FSCN1: variants seen among roughly 807,000 people sequenced by gnomAD.
FSCN1 encodes fascin.
Under a neutral mutation model 39.7 loss-of-function variants are expected in FSCN1, and 10 were observed. The ratio of observed to expected loss-of-function variants is 0.25; its 90% confidence interval spans 0.16 to 0.43. The LOEUF is 0.43. Ranked by LOEUF, FSCN1 falls within the 20% of genes least tolerant of loss-of-function variation. FSCN1 has a pLI of 1.00. For synonymous variants in FSCN1, 322 were observed against 320.0 expected (o/e 1.01, Z -0.07); for missense variants, 525 against 723.8 (o/e 0.73, Z 3.15).
At chr7:5,595,569 T>G (rs1785714842) in intron 1 of FSCN1, among the ~76,000 whole-genome samples, 1 of 152,062 alleles carries the variant, frequency 6.6e-6, no homozygotes, top group Admixed American at 6.6e-5. Context: ...GAGCAGGACA[T>G]TTGAGCTGGC....
chr7:5,605,016 G>A lies in FSCN1; in HGVS notation c.1280-256G>A, dbSNP rs552903424. Among the ~76,000 whole-genome samples the A allele has an allele frequency of 7.9e-5, 12 of 152,156 alleles. No homozygotes were observed. Among genetic ancestry groups the A allele is most frequent in the East Asian group, 7.7e-4 (4 of 5,168 alleles). Reference sequence around the variant, plus strand: ...TCGAACTCCTGACCTCAAGTGATCCGCCCACCTCAGCCTCCCAAAGTGCTG... The same window carrying A: ...TCGAACTCCTGACCTCAAGTGATCCACCCACCTCAGCCTCCCAAAGTGCTG... On this transcript the variant is annotated intron_variant, in intron 4 of 4. Coordinates refer to ENST00000382361, the MANE Select transcript of FSCN1 (RefSeq NM_003088.4). The surrounding 1 kb of genome is among the most constrained non-coding windows in gnomAD (Gnocchi z 6.9).
At position 5,593,050 on chromosome 7, in the gene FSCN1, C is replaced by G; in HGVS notation, c.114C>G (p.Ser38Arg). The G allele has an allele frequency of 6.2e-7, 1 of 1,602,628 alleles. No homozygotes were observed. The highest frequency in any genetic ancestry group is 8.5e-7 in the Non-Finnish European group (1 of 1,175,444). Residue 38 changes from serine (S) to arginine (R), a missense_variant, in exon 1 of 5, where the codon AGC becomes AGG. By Grantham distance (110) the Ser-to-Arg change is moderately radical. Around this residue, in one of 3 missense-constraint regions of FSCN1, gnomAD observed 246 missense variants for 350.6 expected, o/e 0.70. Coordinates refer to ENST00000382361, the MANE Select transcript of FSCN1 (RefSeq NM_003088.4). The stretch of plus-strand genomic sequence containing the variant: ...GGTTCAAGGTGAACGCGTCCGCCAG[C>G]AGCCTGAAGAAGAAGCAGATCTGGA... Reference protein sequence around the residue: ...AFGFKVNASASSLKKKQIWTL... With the variant: ...AFGFKVNASARSLKKKQIWTL...
chr7:5,600,739 C>G (rs985974520), intron 1 of FSCN1, among the ~76,000 whole-genome samples: 1 of 151,544 alleles, frequency 6.6e-6, no homozygotes, highest in Admixed American at 6.6e-5. Flanking sequence ...CTGCAAGCTC[C>G]ACCTCCCGGG....
Position 5,603,169 on chromosome 7 carries a change from G to C in FSCN1, c.833-88G>C. ...ACCCCACCCCGTGGTGTTACCTTGC[G>C]TGTGTAGTTCTGTGAGCTCAGGGCT... On this transcript the variant is annotated intron_variant, in intron 1 of 4. Coordinates refer to ENST00000382361, the MANE Select transcript of FSCN1 (RefSeq NM_003088.4). The surrounding 1 kb of genome is among the most constrained non-coding windows in gnomAD (Gnocchi z 8.5). The C allele has an allele frequency of 6.8e-7, 1 of 1,470,026 alleles. No homozygotes were observed. The highest frequency in any genetic ancestry group is 2.3e-5 in the East Asian group (1 of 44,118). 91.1% of individuals were successfully genotyped at this position (1,470,026 alleles called of 1,614,324 possible).
Position 5,593,096 on chromosome 7 carries a change from G to A in FSCN1, c.160G>A (p.Glu54Lys), listed in dbSNP as rs1216188357. 6.2e-7 allele frequency: 1 copy of A among 1,604,954 alleles called. No homozygotes were observed. The highest frequency in any genetic ancestry group is 1.3e-5 in the African/African-American group (1 of 74,836). ...QIWTLEQPPD[E>K]AGSAAVCLRS... ...CTGGACGCTGGAGCAGCCCCCTGAC[G>A]AGGCGGGCAGCGCGGCCGTGTGCCT... Residue 54 changes from glutamate (E) to lysine (K), a missense_variant, in exon 1 of 5, where the codon GAG becomes AAG. Glu to Lys is a moderately conservative substitution (Grantham distance 56). Around this residue, in one of 3 missense-constraint regions of FSCN1, gnomAD observed 246 missense variants for 350.6 expected, o/e 0.70. Transcript: ENST00000382361.
intron 4 of FSCN1, 142 bp downstream of exon 4, chr7:5,604,172 G>A: frequency 1.4e-6 from 1 of 729,114 alleles, no homozygotes; most frequent in Non-Finnish European, 2.2e-6. Context: ...ACAGGTGTCT[G>A]ATGGCCACCA....
At position 5,605,216 on chromosome 7, in the gene FSCN1, A is replaced by G; in HGVS notation, c.1280-56A>G. The G allele has an allele frequency of 7.3e-7, 1 of 1,367,346 alleles. No homozygotes were observed. Among genetic ancestry groups the G allele is most frequent in the Non-Finnish European group, 1.0e-6 (1 of 962,558 alleles). 84.7% of individuals were successfully genotyped at this position (1,367,346 alleles called of 1,614,324 possible). On this transcript the variant is annotated intron_variant, in intron 4 of 4. Transcript: ENST00000382361. This position sits in a 1 kb window ranked among gnomAD's most constrained non-coding sequence, Gnocchi z 6.9. Reference sequence around the variant, plus strand: ...CACCCGTGCCCACCCTCCGCTGCCCAGGGTAGGGGTGGGGAGCCAGGCTTT... The same window carrying G: ...CACCCGTGCCCACCCTCCGCTGCCCGGGGTAGGGGTGGGGAGCCAGGCTTT...
At chr7:5,600,754 C>T (rs1389541477) in intron 1 of FSCN1, among the ~76,000 whole-genome samples, 3 of 150,250 alleles carry the variant, frequency 2.0e-5, no homozygotes, top group South Asian at 2.1e-4. Context: ...CCCGGGTTCA[C>T]GCCATTCTCC....
intron 1 of FSCN1, among the ~76,000 whole-genome samples, chr7:5,602,125 C>G (rs949569372): frequency 1.3e-5 from 2 of 151,666 alleles, no homozygotes; most frequent in African/African-American, 4.8e-5. Flanking sequence ...AGGCTGGTCT[C>G]AAACTCCCGA....
At position 5,593,506 on chromosome 7, in the gene FSCN1, C is replaced by G. The variant is rs1400625611; in HGVS notation, c.570C>G (p.Thr190=). ...AFQDQRYSVQ[T]ADHRFLRHDG... is the part of the protein sequence containing the mutation. Reference sequence around the variant, plus strand: ...AGGACCAGCGCTACAGCGTGCAGACCGCCGACCACCGCTTCCTGCGCCACG... The same window carrying G: ...AGGACCAGCGCTACAGCGTGCAGACGGCCGACCACCGCTTCCTGCGCCACG... Residue 190 remains threonine (T), a synonymous_variant, in exon 1 of 5, where the codon ACC becomes ACG. Coordinates refer to ENST00000382361, the MANE Select transcript of FSCN1 (RefSeq NM_003088.4). The G allele has an allele frequency of 1.9e-6, 3 of 1,606,756 alleles. No individual in the cohort carries two copies. The highest frequency in any genetic ancestry group is 2.2e-5 in the South Asian group (2 of 90,880).
At position 5,605,282 on chromosome 7, in the gene FSCN1, C is replaced by A; in HGVS notation, c.1290C>A (p.Gly430=). 1 of 1,612,892 alleles carries A rather than the reference C, an allele frequency of 6.2e-7. No homozygotes were observed. Among genetic ancestry groups the A allele is most frequent in the South Asian group, 1.1e-5 (1 of 91,058 alleles). ...AAGTCCCCTCCCCAGACTCCACAGG[C>A]AAATACTGGACGGTGGGCAGTGACT... ...DGAYNIKDST[G]KYWTVGSDSA... The change falls in exon 5 of 5, where the codon GGC becomes GGA. Residue 430 remains glycine, a synonymous_variant. Coordinates refer to ENST00000382361, the MANE Select transcript of FSCN1 (RefSeq NM_003088.4). The surrounding 1 kb of genome is among the most constrained non-coding windows in gnomAD (Gnocchi z 6.9).
rs1785884611 is a variant in FSCN1 at position 5,604,040 on chromosome 7, C to T, written c.1279+10C>T. On this transcript the variant is annotated intron_variant, in intron 4 of 4. Coordinates refer to ENST00000382361, the MANE Select transcript of FSCN1 (RefSeq NM_003088.4). Reference sequence around the variant, plus strand: ...GCCTACAACATCAAAGGCAGGTTCTCCTGTGGGCAGCTGCTGGGCAGGGAA... The same window carrying T: ...GCCTACAACATCAAAGGCAGGTTCTTCTGTGGGCAGCTGCTGGGCAGGGAA... 1.9e-6 allele frequency: 3 copies of T among 1,611,740 alleles called. No individual in the cohort carries two copies. The highest frequency in any genetic ancestry group is 2.5e-6 in the Non-Finnish European group (3 of 1,179,324).
At position 5,606,392 on chromosome 7, in the gene FSCN1, C is replaced by G. The variant is rs1441717401; in HGVS notation, c.*918C>G. Reference sequence around the variant, plus strand: ...AGCCCCAGCCCTGGGCCTGGGCTGCCGACACCTGGGCCAGAGCCCCTGCTG... The same window carrying G: ...AGCCCCAGCCCTGGGCCTGGGCTGCGGACACCTGGGCCAGAGCCCCTGCTG... On this transcript the variant is annotated 3_prime_UTR_variant, in exon 5 of 5. Coordinates refer to ENST00000382361, the MANE Select transcript of FSCN1 (RefSeq NM_003088.4). The surrounding 1 kb of genome is among the most constrained non-coding windows in gnomAD (Gnocchi z 5.1). 4 of 151,986 alleles carry G rather than the reference C, an allele frequency of 2.6e-5. No individual in the cohort carries two copies. The highest frequency in any genetic ancestry group is 5.9e-5 in the Non-Finnish European group (4 of 67,980). The allele number at this position is 151,986 out of a possible 1,614,324, so 9.4% of individuals were successfully genotyped here.
rs1416618674 is a variant in FSCN1, at chr7:5,599,075, C to G, written c.833-4182C>G. Reference sequence around the variant, plus strand: ...GTGGAGGGCTGAGTGAGCAGAGGCCCCAGCCCTCGTGTTCCCTGGGGTGTG... The same window carrying G: ...GTGGAGGGCTGAGTGAGCAGAGGCCGCAGCCCTCGTGTTCCCTGGGGTGTG... On this transcript the variant is annotated intron_variant, in intron 1 of 4. Coordinates refer to ENST00000382361, the MANE Select transcript of FSCN1 (RefSeq NM_003088.4). This position sits in a 1 kb window ranked among gnomAD's most constrained non-coding sequence, Gnocchi z 5.6. 6.6e-6 allele frequency among the ~76,000 whole-genome samples: 1 copy of G among 151,922 alleles called. No homozygotes were observed. Among genetic ancestry groups the G allele is most frequent in the East Asian group, 1.9e-4 (1 of 5,144 alleles).
chr7:5,594,533 C>A (rs1455739131), intron 1 of FSCN1: 2 of 152,240 alleles, frequency 1.3e-5, no homozygotes, highest in African/African-American at 4.8e-5. Context: ...TGCGGCGGGG[C>A]GGGGGAGGGG....
At chr7:5,596,213 C>A (rs1412121278) in intron 1 of FSCN1, among the ~76,000 whole-genome samples, 1 of 151,674 alleles carries the variant, frequency 6.6e-6, no homozygotes, top group African/African-American at 2.4e-5. Context: ...AAGGGGGAGG[C>A]GTCTGCTTCC....
chr7:5,603,666 GT>G lies in FSCN1; in HGVS notation c.1111+50del. 6.2e-7 allele frequency: 1 copy of G among 1,611,802 alleles called. No individual in the cohort carries two copies. Among genetic ancestry groups the G allele is most frequent in the Non-Finnish European group, 8.5e-7 (1 of 1,178,828 alleles). On this transcript the variant is annotated intron_variant, in intron 3 of 4. Transcript: ENST00000382361. This position sits in a 1 kb window ranked among gnomAD's most constrained non-coding sequence, Gnocchi z 8.5. ...TGGAGCCGTCCTGGAGTCCTGGAGG[GT>G]CTGGCCATGCCGTGGTCACTTGGTA...
At position 5,599,107 on chromosome 7, in the gene FSCN1, G is replaced by C. The variant is rs1256493645; in HGVS notation, c.833-4150G>C. On this transcript the variant is annotated intron_variant, in intron 1 of 4. Transcript: ENST00000382361. This position sits in a 1 kb window ranked among gnomAD's most constrained non-coding sequence, Gnocchi z 5.6. ...TCGTGTTCCCTGGGGTGTGGCCTTA[G>C]GATGGTCCCGGCACCCTGGGACCCA... Among the ~76,000 whole-genome samples the C allele has an allele frequency of 3.2e-5, 2 of 63,362 alleles. No homozygotes were observed. Among genetic ancestry groups the C allele is most frequent in the Admixed American group, 3.6e-4 (2 of 5,600 alleles). The allele number at this position is 63,362 out of a possible 152,430, so 41.6% of individuals were successfully genotyped here. A position where few individuals can be genotyped will look rare whatever the true frequency, so the allele number is the denominator to read the frequency against.
chr7:5,603,912 G>C lies in FSCN1; in HGVS notation c.1161G>C (p.Val387=), dbSNP rs375630058. 2 of 1,614,078 alleles carry C rather than the reference G, an allele frequency of 1.2e-6. No individual in the cohort carries two copies. Among genetic ancestry groups the C allele is most frequent in the Admixed American group, 3.3e-5 (2 of 60,024 alleles). ...AGCTCATCAACCGCCCCATCATCGT[G>C]TTCCGCGGGGAGCATGGCTTCATCG... ...LMKLINRPII[V]FRGEHGFIGC... is the part of the protein sequence containing the mutation. The change falls in exon 4 of 5, where the codon GTG becomes GTC. Residue 387 remains valine (V), a synonymous_variant. Coordinates refer to ENST00000382361, the MANE Select transcript of FSCN1 (RefSeq NM_003088.4). The surrounding 1 kb of genome is among the most constrained non-coding windows in gnomAD (Gnocchi z 8.5).
Sources: allele counts gnomAD v4.1 joint callset (sites outside exome capture counted in the v4.1 genomes callset), GRCh38; gene constraint gnomAD v4.1.1; regional missense constraint gnomAD v4.1.1; non-coding constraint Gnocchi (gnomAD v3.1); transcripts MANE v1.5; gene names NCBI Gene and HGNC (gene_info 2026-07-23, HGNC 2026-07-21).